MIGA1: variants seen among roughly 807,000 people sequenced by gnomAD.
MIGA1 encodes the protein family with sequence similarity 73, member A.
A neutral mutation model predicts 82.0 loss-of-function variants in MIGA1; 58 were observed. The ratio of observed to expected loss-of-function variants is 0.71; its 90% CI spans 0.57 to 0.88. The LOEUF is 0.88. MIGA1 is among the 40% of genes least tolerant of loss of function. MIGA1 has a pLI of 0.00. For synonymous variants in MIGA1, 249 were observed against 253.6 expected, an observed-to-expected ratio of 0.98 and a Z score of 0.17; for missense variants, 751 against 749.1, an observed-to-expected ratio of 1.00 and a Z score of -0.03.
chr1:77,824,298 C>A (rs1320825907), intron 7 of MIGA1, among the ~76,000 whole-genome samples: 2 of 152,152 alleles, frequency 1.3e-5, no homozygotes, highest in African/African-American at 4.8e-5. Flanking sequence ...TAGCTCATGC[C>A]TGTCTGTAAT....
intron 14 of MIGA1, 61 bp downstream of exon 14, chr1:77,866,452 C>A: frequency 6.6e-7 from 1 of 1,508,068 alleles, no homozygotes; most frequent in Non-Finnish European, 9.2e-7. Flanking sequence ...GTCAAAGCAG[C>A]TTCTGAGTCA....
chr1:77,855,631 GTATTT>G (rs1685222339), intron 8 of MIGA1, among the ~76,000 whole-genome samples: 2 of 151,838 alleles, frequency 1.3e-5, no homozygotes, highest in Non-Finnish European at 2.9e-5. Context: ...ATATTCCTAA[GTATTT>G]TATTTTATTT....
intron 8 of MIGA1, among the ~76,000 whole-genome samples, chr1:77,844,189 C>T (rs1684752464): frequency 6.8e-6 from 1 of 147,858 alleles, no homozygotes. Flanking sequence ...TATATACACA[C>T]ACACATACAC....
intron 7 of MIGA1, among the ~76,000 whole-genome samples, chr1:77,826,517 T>C (rs1684032468): frequency 6.6e-6 from 1 of 152,166 alleles, no homozygotes; most frequent in Non-Finnish European, 1.5e-5. Flanking sequence ...GCTCTGTTGC[T>C]TGGGCTAGAA....
chr1:77,780,086 G>C (rs918252903), intron 1 of MIGA1: 2 of 1,026,848 alleles, frequency 1.9e-6, no homozygotes, highest in Admixed American at 1.2e-4. Context: ...CTGGACGGCC[G>C]AGCTGGAGGG....
At chr1:77,833,443 G>A (rs1031800938) in intron 7 of MIGA1, among the ~76,000 whole-genome samples, 2 of 152,200 alleles carry the variant, frequency 1.3e-5, no homozygotes, top group Non-Finnish European at 2.9e-5. Flanking sequence ...AATGAAAATT[G>A]TTGGGGTCCC....
intron 1 of MIGA1, among the ~76,000 whole-genome samples, chr1:77,782,227 A>C (rs1681952546): frequency 4.6e-5 from 7 of 152,198 alleles, no homozygotes; most frequent in Admixed American, 4.6e-4. Context: ...AGAAATAATA[A>C]ATTTGGTAGA....
At chr1:77,862,495 GT>G (rs1284195352) in intron 12 of MIGA1, among the ~76,000 whole-genome samples, 1 of 152,134 alleles carries the variant, frequency 6.6e-6, no homozygotes, top group Non-Finnish European at 1.5e-5. Flanking sequence ...GCTCACGCCT[GT>G]AATCCCAGCA....
At chr1:77,836,953 T>C (rs1684457572) in intron 7 of MIGA1, among the ~76,000 whole-genome samples, 2 of 152,210 alleles carry the variant, frequency 1.3e-5, no homozygotes, top group African/African-American at 4.8e-5. Context: ...ATAATTAGGC[T>C]ATTCTTCTCT....
rs1681809489 is a variant in MIGA1 at position 77,779,689 on chromosome 1, T to TGGGAAGCTGGCGTGGGCA, written c.37_54dup (p.Glu13_Arg18dup). 6.3e-7 allele frequency: 1 copy of TGGGAAGCTGGCGTGGGCA among 1,580,118 alleles called. No individual in the cohort carries two copies. Among genetic ancestry groups the TGGGAAGCTGGCGTGGGCA allele is most frequent in the African/African-American group, 1.4e-5 (1 of 74,066 alleles). On this transcript the variant is annotated inframe_insertion, in exon 1 of 16. Transcript: ENST00000370791. ...CTGCTGCTCAGCGCCAGGCATCAGC[T>TGGGAAGCTGGCGTGGGCA]GGGAAGCTGGCGTGGGCAGGCCAGC... is the stretch of plus-strand genomic sequence containing the variant.
At chr1:77,827,825 A>T (rs1211748973) in intron 7 of MIGA1, among the ~76,000 whole-genome samples, 2 of 152,186 alleles carry the variant, frequency 1.3e-5, no homozygotes, top group Non-Finnish European at 1.5e-5. Context: ...TGAAGGGAGC[A>T]ACTTAAAATG....
chr1:77,814,391 A>AT (rs531250716), intron 6 of MIGA1, among the ~76,000 whole-genome samples: 32 of 150,740 alleles, frequency 2.1e-4, no homozygotes, highest in South Asian at 4.2e-4. Flanking sequence ...TTTCTAAAGG[A>AT]TTTTTTTTTA....
chr1:77,806,874 T>C (rs922718728), intron 4 of MIGA1, 101 bp from the exon 5 acceptor site: 2 of 821,754 alleles, frequency 2.4e-6, no homozygotes, highest in African/African-American at 3.4e-5. Context: ...TGGATTGTCT[T>C]ACCACTAATA....
chr1:77,802,058 G>T (rs1682905977), intron 3 of MIGA1, among the ~76,000 whole-genome samples: 1 of 152,156 alleles, frequency 6.6e-6, no homozygotes, highest in Admixed American at 6.5e-5. Flanking sequence ...AGTTCAAGAA[G>T]TAAGTTGCTG....
chr1:77,813,183 T>C (rs1570949399), intron 5 of MIGA1, among the ~76,000 whole-genome samples: 3 of 152,168 alleles, frequency 2.0e-5, no homozygotes, highest in Admixed American at 2.0e-4. Context: ...GGTTTTACCA[T>C]GTTGGCCAGG....
chr1:77,797,175 A>G (rs1448616288), intron 2 of MIGA1, among the ~76,000 whole-genome samples: 1 of 152,184 alleles, frequency 6.6e-6, no homozygotes. Context: ...AATGTACTAC[A>G]GTTTATCTGT....
intron 2 of MIGA1, among the ~76,000 whole-genome samples, chr1:77,795,679 G>C (rs1682624894): frequency 6.6e-6 from 1 of 151,012 alleles, no homozygotes; most frequent in Non-Finnish European, 1.5e-5. Context: ...GTTGAGGCTG[G>C]AGTGTAGTGG....
intron 8 of MIGA1, among the ~76,000 whole-genome samples, chr1:77,844,988 A>G (rs2101895511): frequency 6.6e-6 from 1 of 152,290 alleles, no homozygotes; most frequent in Non-Finnish European, 1.5e-5. Flanking sequence ...TCTCACACAC[A>G]CATGCACAGA....
At chr1:77,854,375 T>C (rs1474464446) in intron 8 of MIGA1, among the ~76,000 whole-genome samples, 1 of 152,228 alleles carries the variant, frequency 6.6e-6, no homozygotes, top group Non-Finnish European at 1.5e-5. Flanking sequence ...TGTGCAAGTA[T>C]CTTTTTCGAA....
Sources: gnomAD v4.1 joint callset for allele counts (sites outside exome capture counted in the v4.1 genomes callset) on GRCh38, gnomAD v4.1.1 for gene constraint, MANE v1.5 for transcripts, NCBI Gene and HGNC (gene_info 2026-07-23, HGNC 2026-07-21) for gene names.